Variants in MEGF10 observed in about 807,000 individuals in gnomAD.
MEGF10 encodes the protein multiple epidermal growth factor-like domains protein 10.
In MEGF10, 86 loss-of-function variants were observed where a neutral mutation model predicts 147.5. That is an observed-to-expected ratio of 0.58 (90% CI 0.49 to 0.70). The LOEUF (loss-of-function observed/expected upper bound fraction) is 0.70. Ranked by LOEUF, MEGF10 falls within the 30% of genes least tolerant of loss-of-function variation. MEGF10 has a pLI of 0.00. For missense variants in MEGF10, 1,329 were observed against 1,487.3 expected (o/e 0.89, Z 1.75); for synonymous variants, 478 against 525.5 (o/e 0.91, Z 1.24).
rs751813170 is a variant in MEGF10, at chr5:127,410,551, C to T, written c.1080C>T (p.Tyr360=). The change falls in exon 9 of 25, where the codon TAC becomes TAT. Residue 360 remains tyrosine (Y), a synonymous_variant. Coordinates refer to ENST00000503335, the MANE Select transcript of MEGF10 (RefSeq NM_001256545.2). ...CEARLCPEGL[Y]GIKCDKRCPC... ...CACGCCTGTGTCCTGAGGGGCTCTA[C>T]GGCATCAAATGTGACAAACGGTGTC... is the stretch of plus-strand genomic sequence containing the variant. 40 of 1,612,398 alleles carry T rather than the reference C, an allele frequency of 2.5e-5. No individual in the cohort carries two copies. The highest frequency in any genetic ancestry group is 1.6e-4 in the Middle Eastern group (1 of 6,070).
the MEGF10 span, among the ~76,000 whole-genome samples, chr5:127,249,892 G>C: frequency 6.6e-6 from 1 of 152,038 alleles, no homozygotes; most frequent in Admixed American, 6.6e-5. Context: ...AACAGAGGAG[G>C]CAACACTGTT....
intron 5 of MEGF10, among the ~76,000 whole-genome samples, chr5:127,374,470 A>G (rs1762953947): frequency 6.6e-6 from 1 of 152,170 alleles, no homozygotes; most frequent in Admixed American, 6.5e-5. Context: ...TGGTTATCCA[A>G]TTCCTATATG....
intron 13 of MEGF10, among the ~76,000 whole-genome samples, chr5:127,425,363 A>G (rs1294330520): frequency 3.3e-5 from 5 of 152,008 alleles, no homozygotes; most frequent in Admixed American, 6.5e-5. Context: ...ATGCTGCTCT[A>G]TTGCTTGTTG....
At chr5:127,335,994 T>C (rs898370360) in intron 2 of MEGF10, among the ~76,000 whole-genome samples, 1 of 146,920 alleles carries the variant, frequency 6.8e-6, no homozygotes, top group Non-Finnish European at 1.5e-5. Context: ...ACCTTTCTCC[T>C]ATAAGCTTAA....
chr5:127,279,900 T>C, the MEGF10 span, among the ~76,000 whole-genome samples: 3 of 152,252 alleles, frequency 2.0e-5, no homozygotes, highest in Non-Finnish European at 4.4e-5. Context: ...TTTTCCCTCC[T>C]GACTAGTTGA....
chr5:127,238,581 A>G, the MEGF10 span, among the ~76,000 whole-genome samples: 2 of 152,190 alleles, frequency 1.3e-5, no homozygotes, highest in Non-Finnish European at 2.9e-5. Context: ...AGGTTAAGTA[A>G]CTTGCCCAAA....
At chr5:127,272,052 T>C in the MEGF10 span, among the ~76,000 whole-genome samples, 1 of 152,182 alleles carries the variant, frequency 6.6e-6, no homozygotes, top group African/African-American at 2.4e-5. Flanking sequence ...AGAGTTTTTA[T>C]AGTTTTGGGT....
intron 7 of MEGF10, among the ~76,000 whole-genome samples, chr5:127,401,440 G>A (rs1764129229): frequency 6.6e-6 from 1 of 152,142 alleles, no homozygotes; most frequent in Non-Finnish European, 1.5e-5. Context: ...AACCACCAGA[G>A]GAGACTTAAT....
At chr5:127,338,979 TA>T in intron 2 of MEGF10, 140 bp from the exon 3 acceptor site, 1 of 447,512 alleles carries the variant, frequency 2.2e-6, no homozygotes. Flanking sequence ...TAAAAACCCA[TA>T]AAAACATGGA....
At chr5:127,331,783 A>G (rs1293712652) in intron 2 of MEGF10, among the ~76,000 whole-genome samples, 2 of 152,276 alleles carry the variant, frequency 1.3e-5, no homozygotes, top group African/African-American at 4.8e-5. Context: ...GAGAAGTGGA[A>G]AGCAGCATGA....
At position 127,435,467 on chromosome 5, in the gene MEGF10, G is replaced by T. The variant is rs896056668; in HGVS notation, c.2082G>T (p.Trp694Cys). 6 of 1,613,814 alleles carry T rather than the reference G, an allele frequency of 3.7e-6. No individual in the cohort carries two copies. In the African/African-American group the frequency reaches 5.3e-5, roughly 14 times the overall value. The change falls in exon 16 of 25, where the codon TGG becomes TGT. Residue 694 changes from tryptophan to cysteine, a missense_variant. Transcript: ENST00000503335. Reference sequence around the variant, plus strand: ...GATCTTGTCAGTGTTACCCCGGTTGGATTGGCAGTGACTGCTCTCAACGTA... The same window carrying T: ...GATCTTGTCAGTGTTACCCCGGTTGTATTGGCAGTGACTGCTCTCAACGTA... ...IDRSCQCYPG[W>C]IGSDCSQPCP...
intron 5 of MEGF10, among the ~76,000 whole-genome samples, chr5:127,371,287 T>C (rs1389603240): frequency 6.6e-6 from 1 of 151,248 alleles, no homozygotes; most frequent in Non-Finnish European, 1.5e-5. Flanking sequence ...AGGGGAAAAC[T>C]GTCTTGCAGG....
rs1403139062 is a variant in MEGF10 at position 127,339,149 on chromosome 5, C to T, written c.146C>T (p.Pro49Leu). ...SYSVTVQESYPHPFDQIYYTS... is the reference protein window; with the variant it reads ...SYSVTVQESYLHPFDQIYYTS... ...TCAGTGACTGTGCAAGAGTCATACC[C>T]ACATCCCTTTGATCAAATTTACTAC... Residue 49 changes from proline (P) to leucine (L), a missense_variant, in exon 3 of 25, where the codon CCA becomes CTA. This residue lies in a region of MEGF10 where 980 missense variants were observed against 1,085.9 expected (regional missense o/e 0.90). Coordinates refer to ENST00000503335, the MANE Select transcript of MEGF10 (RefSeq NM_001256545.2). The T allele has an allele frequency of 1.2e-6, 2 of 1,611,936 alleles. No homozygotes were observed. Among genetic ancestry groups the T allele is most frequent in the East Asian group, 4.5e-5 (2 of 44,838 alleles).
At chr5:127,404,390 T>G (rs1408818823) in intron 8 of MEGF10, among the ~76,000 whole-genome samples, 1 of 152,080 alleles carries the variant, frequency 6.6e-6, no homozygotes, top group Non-Finnish European at 1.5e-5. Context: ...AATTGCGGTT[T>G]TTACCATTGA....
intron 1 of MEGF10, among the ~76,000 whole-genome samples, chr5:127,298,187 T>C (rs1213064016): frequency 6.6e-6 from 1 of 152,168 alleles, no homozygotes; most frequent in Admixed American, 6.5e-5. Context: ...TCACCGCCCA[T>C]CTTTTTCTGA....
At chr5:127,350,408 C>T (rs1762044568) in intron 4 of MEGF10, among the ~76,000 whole-genome samples, 2 of 152,068 alleles carry the variant, frequency 1.3e-5, no homozygotes, top group South Asian at 4.2e-4. Flanking sequence ...CTGTTCCCTC[C>T]CAATTGCTGT....
intron 5 of MEGF10, among the ~76,000 whole-genome samples, chr5:127,377,424 G>T (rs1010402598): frequency 6.6e-6 from 1 of 152,042 alleles, no homozygotes; most frequent in Non-Finnish European, 1.5e-5. Flanking sequence ...ACCACATAGC[G>T]GCAAAAATAG....
At chr5:127,263,402 G>T in the MEGF10 span, among the ~76,000 whole-genome samples, 52 of 152,010 alleles carry the variant, frequency 3.4e-4, no homozygotes, top group Non-Finnish European at 7.1e-4. Context: ...GACTAAGCAG[G>T]TATTAGAGGG....
chr5:127,273,828 C>T, the MEGF10 span, among the ~76,000 whole-genome samples: 1 of 152,082 alleles, frequency 6.6e-6, no homozygotes, highest in African/African-American at 2.4e-5. Flanking sequence ...GTACAGGCAG[C>T]ATATAGGTAC....
Sources: allele counts gnomAD v4.1 joint callset (sites outside exome capture counted in the v4.1 genomes callset), GRCh38; gene constraint gnomAD v4.1.1; regional missense constraint gnomAD v4.1.1; transcripts MANE v1.5; gene names NCBI Gene and HGNC (gene_info 2026-07-23, HGNC 2026-07-21).